The following CAMTA1 variants were observed in gnomAD, a reference collection of about 807,000 sequenced individuals.
The protein encoded by CAMTA1 is calmodulin binding transcription activator 1.
CAMTA1 carries 27 observed loss-of-function variants against 170.9 expected under a neutral mutation model. The observed-to-expected ratio is 0.16, with a 90% CI of 0.12 to 0.22. The LOEUF (loss-of-function observed/expected upper bound fraction) is 0.22, where lower values mean the gene tolerates loss of function less well. Among genes scored for constraint, CAMTA1 ranks in the 10% least tolerant of loss-of-function variants. The pLI, the probability that CAMTA1 is intolerant of heterozygous loss-of-function variation, is 1.00. For missense variants in CAMTA1, 1,619 were observed against 2,217.2 expected (o/e 0.73, Z 5.42); for synonymous variants, 833 against 891.5 (o/e 0.93, Z 1.17).
intron 5 of CAMTA1, among the ~76,000 whole-genome samples, chr1:7,250,606 A>G (rs927933193): frequency 6.6e-6 from 1 of 152,158 alleles, no homozygotes; most frequent in South Asian, 2.1e-4. Context: ...TTCCACGCCA[A>G]TGTTTTTTGT....
intron 22 of CAMTA1, among the ~76,000 whole-genome samples, chr1:7,757,309 C>CAACA (rs2096938170): frequency 6.6e-6 from 1 of 152,158 alleles, no homozygotes; most frequent in African/African-American, 2.4e-5. Flanking sequence ...CAGCCACAGA[C>CAACA]AACACATAAA....
At chr1:7,361,229 T>G (rs1280260787) in intron 5 of CAMTA1, among the ~76,000 whole-genome samples, 1 of 152,178 alleles carries the variant, frequency 6.6e-6, no homozygotes, top group African/African-American at 2.4e-5. Flanking sequence ...GGTCCTCAGT[T>G]CTCTCTGAAC....
chr1:6,851,470 T>A (rs1660333024), intron 3 of CAMTA1, among the ~76,000 whole-genome samples: 1 of 152,206 alleles, frequency 6.6e-6, no homozygotes, highest in Non-Finnish European at 1.5e-5. Flanking sequence ...GGAGGAGTGC[T>A]GCAGAAGCAG....
At chr1:6,995,247 C>T (rs966050253) in intron 3 of CAMTA1, among the ~76,000 whole-genome samples, 4 of 147,608 alleles carry the variant, frequency 2.7e-5, no homozygotes, top group Non-Finnish European at 5.9e-5. Context: ...TGTGGGAACT[C>T]ACTTGAGCAC....
intron 11 of CAMTA1, among the ~76,000 whole-genome samples, chr1:7,729,966 G>A (rs2096719447): frequency 6.6e-6 from 1 of 152,224 alleles, no homozygotes; most frequent in African/African-American, 2.4e-5. Context: ...TCAGATGACT[G>A]TATTTTGAAA....
chr1:6,916,514 T>C (rs1310667293), intron 3 of CAMTA1, among the ~76,000 whole-genome samples: 3 of 152,208 alleles, frequency 2.0e-5, no homozygotes, highest in Non-Finnish European at 2.9e-5. Flanking sequence ...AAATCAATTC[T>C]CTCTCCTTCT....
chr1:7,590,854 G>T (rs557998616), intron 6 of CAMTA1, among the ~76,000 whole-genome samples: 1 of 152,222 alleles, frequency 6.6e-6, no homozygotes, highest in South Asian at 2.1e-4. Flanking sequence ...CCAGGAGGCC[G>T]TCTGAGAATC....
At chr1:7,498,984 G>C (rs939326043) in intron 6 of CAMTA1, among the ~76,000 whole-genome samples, 4 of 136,742 alleles carry the variant, frequency 2.9e-5, no homozygotes, top group African/African-American at 5.9e-5. Flanking sequence ...TCTGGTGTGC[G>C]TGTGTATGTA....
At chr1:7,518,331 T>C (rs981807911) in intron 6 of CAMTA1, among the ~76,000 whole-genome samples, 14 of 152,058 alleles carry the variant, frequency 9.2e-5, no homozygotes, top group African/African-American at 2.9e-4. Context: ...ATCCCTAATA[T>C]GGCTCTTCTG....
intron 4 of CAMTA1, among the ~76,000 whole-genome samples, chr1:7,127,959 C>T (rs1645029107): frequency 6.6e-6 from 1 of 152,220 alleles, no homozygotes; most frequent in Non-Finnish European, 1.5e-5. Context: ...GCTCACAGTG[C>T]CTAAACTGCT....
chr1:7,335,314 A>G (rs904290189), intron 5 of CAMTA1, among the ~76,000 whole-genome samples: 1 of 152,186 alleles, frequency 6.6e-6, no homozygotes. Context: ...ATGGGTATCA[A>G]TATCTTTCCT....
rs1435891646 is a variant in CAMTA1 at position 7,426,737 on chromosome 1, T to G, written c.439-41093T>G. On this transcript the variant is annotated intron_variant, in intron 5 of 22. Transcript: ENST00000303635. The surrounding 1 kb of genome is among the most constrained non-coding windows in gnomAD (Gnocchi z 4.8). ...AGGAGAAATCTGAGATTCAGAGACG[T>G]GGGAGTTCCGAATGAGATCATTTTT... Among the ~76,000 whole-genome samples, 1 of 152,110 alleles carries G rather than the reference T, an allele frequency of 6.6e-6. No homozygotes were observed. The highest frequency in any genetic ancestry group is 1.5e-5 in the Non-Finnish European group (1 of 68,018).
chr1:7,582,463 T>A (rs924581940), intron 6 of CAMTA1, among the ~76,000 whole-genome samples: 1 of 152,074 alleles, frequency 6.6e-6, no homozygotes, highest in African/African-American at 2.4e-5. Flanking sequence ...CAGCTGTGAG[T>A]GGCAGAAAAT....
chr1:7,101,603 C>T (rs1642711081), intron 4 of CAMTA1, among the ~76,000 whole-genome samples: 1 of 152,260 alleles, frequency 6.6e-6, no homozygotes. Context: ...GCATATCCCA[C>T]TTTCACTTGA....
At chr1:7,295,731 T>A (rs1237865724) in intron 5 of CAMTA1, among the ~76,000 whole-genome samples, 2 of 152,236 alleles carry the variant, frequency 1.3e-5, no homozygotes, top group Non-Finnish European at 2.9e-5. Context: ...CACGCCCTTG[T>A]CACTTACCTG....
intron 3 of CAMTA1, among the ~76,000 whole-genome samples, chr1:7,061,405 C>T (rs548105257): frequency 6.6e-6 from 1 of 152,356 alleles, no homozygotes; most frequent in African/African-American, 2.4e-5. Context: ...GTCACCCGAG[C>T]TTCCAGTGCC....
chr1:6,795,403 A>G (rs952771852), intron 1 of CAMTA1, among the ~76,000 whole-genome samples: 1 of 151,686 alleles, frequency 6.6e-6, no homozygotes, highest in Non-Finnish European at 1.5e-5. Flanking sequence ...TGTATTGCCC[A>G]GGCTGGTCTT....
In CAMTA1 at chr1:6,971,291, C is replaced by T. The variant is rs193009157; in HGVS notation, c.235-120013C>T. On this transcript the variant is annotated intron_variant, in intron 3 of 22. Coordinates refer to ENST00000303635, the MANE Select transcript of CAMTA1 (RefSeq NM_015215.4). This position sits in a 1 kb window ranked among gnomAD's most constrained non-coding sequence, Gnocchi z 4.6. ...AGTATTTATAGCAACGCCTCTTTTG[C>T]TGGAGTGTTGAACTTTCTTCTTTGT... 2.6e-3 allele frequency among the ~76,000 whole-genome samples: 397 copies of T among 152,322 alleles called. 2 individuals carry two copies. Among genetic ancestry groups the T allele is most frequent in the African/African-American group, 9.3e-3 (387 of 41,570 alleles).
chr1:7,362,821 G>A (rs1166037380), intron 5 of CAMTA1, among the ~76,000 whole-genome samples: 1 of 152,072 alleles, frequency 6.6e-6, no homozygotes, highest in African/African-American at 2.4e-5. Flanking sequence ...CTTCTGTGGA[G>A]GTGGTGAACT....
Sources: gnomAD v4.1 joint callset for allele counts (sites outside exome capture counted in the v4.1 genomes callset) on GRCh38, gnomAD v4.1.1 for gene constraint, Gnocchi (gnomAD v3.1) non-coding constraint, MANE v1.5 for transcripts, NCBI Gene and HGNC (gene_info 2026-07-23, HGNC 2026-07-21) for gene names.